DNAH14: variants seen among roughly 807,000 people sequenced by gnomAD.
The protein encoded by DNAH14 is dynein axonemal heavy chain 14.
In DNAH14, 478 loss-of-function variants were observed where a neutral mutation model predicts 520.9. The observed-to-expected ratio is 0.92, with a 90% confidence interval of 0.85 to 0.99. The LOEUF (loss-of-function observed/expected upper bound fraction) is 0.99, where lower values mean the gene tolerates loss of function less well. DNAH14 is among the 50% of genes least tolerant of loss of function. The probability of loss-of-function intolerance (pLI) is 0.00; values close to 1 mark genes in which losing one functional copy is unlikely to be tolerated. For synonymous variants in DNAH14, 1,581 were observed against 1,757.2 expected (o/e 0.90, Z 2.51); for missense variants, 4,831 against 5,234.5 (o/e 0.92, Z 2.38).
intron 10 of DNAH14, among the ~76,000 whole-genome samples, chr1:225,017,944 G>C (rs2065347075): frequency 6.6e-6 from 1 of 152,158 alleles, no homozygotes; most frequent in Admixed American, 6.5e-5. Context: ...AAAGGATAAA[G>C]GAACATCAGC....
intron 28 of DNAH14, among the ~76,000 whole-genome samples, chr1:225,142,709 C>T (rs1341688039): frequency 1.3e-5 from 2 of 152,110 alleles, no homozygotes; most frequent in Non-Finnish European, 2.9e-5. Context: ...GGGTGGATCA[C>T]TTGAGGTCCA....
intron 8 of DNAH14, among the ~76,000 whole-genome samples, chr1:224,985,552 A>G (rs1488198986): frequency 6.6e-6 from 1 of 152,156 alleles, no homozygotes; most frequent in East Asian, 1.9e-4. Context: ...AGGTTCTCAC[A>G]GATCTCCACT....
intron 34 of DNAH14, among the ~76,000 whole-genome samples, chr1:225,156,784 G>T (rs1408816201): frequency 7.8e-6 from 1 of 128,934 alleles, no homozygotes; most frequent in Non-Finnish European, 1.6e-5. Context: ...GCGGGATCTC[G>T]GCTCACTGCA....
chr1:225,287,120 G>C (rs894443567), intron 54 of DNAH14, among the ~76,000 whole-genome samples: 1 of 152,084 alleles, frequency 6.6e-6, no homozygotes, highest in Non-Finnish European at 1.5e-5. Flanking sequence ...TAAAAATTCT[G>C]TATACTATAA....
chr1:225,166,413 C>A (rs1289024736), intron 35 of DNAH14, among the ~76,000 whole-genome samples: 1 of 152,130 alleles, frequency 6.6e-6, no homozygotes, highest in African/African-American at 2.4e-5. Context: ...TAAATTGTTA[C>A]TCACCAAATT....
intron 17 of DNAH14, among the ~76,000 whole-genome samples, chr1:225,063,863 A>T (rs1246571915): frequency 3.3e-5 from 5 of 151,330 alleles, no homozygotes; most frequent in African/African-American, 1.2e-4. Flanking sequence ...AAAACAAGTG[A>T]AAAGGAGAAA....
intron 43 of DNAH14, chr1:225,250,623 A>G: frequency 2.0e-6 from 1 of 497,270 alleles, no homozygotes; most frequent in Non-Finnish European, 3.7e-6. Flanking sequence ...CAGGTTCCTG[A>G]AGAGAAAGAA....
At position 225,117,753 on chromosome 1, in the gene DNAH14, A is replaced by G; in HGVS notation, c.3937A>G (p.Ile1313Val). 3.2e-6 allele frequency: 5 copies of G among 1,550,992 alleles called. No homozygotes were observed. The highest frequency in any genetic ancestry group is 3.5e-6 in the Non-Finnish European group (4 of 1,146,812). The change falls in exon 24 of 86, where the codon ATT becomes GTT. Residue 1313 changes from isoleucine (I) to valine (V), a missense_variant. Coordinates refer to ENST00000682510, the MANE Select transcript of DNAH14 (RefSeq NM_001367479.1). Reference protein sequence around the residue: ...YFLSNAELLDILADSRNPESV... With the variant: ...YFLSNAELLDVLADSRNPESV... ...TCTTAGCAATGCCGAGCTTCTTGAT[A>G]TTCTAGCTGATAGCAGAAATCCTGA...
chr1:225,206,491 C>G (rs2087577128), intron 40 of DNAH14, among the ~76,000 whole-genome samples: 1 of 152,106 alleles, frequency 6.6e-6, no homozygotes, highest in Non-Finnish European at 1.5e-5. Flanking sequence ...GGTCCTGAGG[C>G]CTTTTCATAC....
At chr1:225,247,883 G>C (rs2092375136) in intron 43 of DNAH14, among the ~76,000 whole-genome samples, 1 of 152,144 alleles carries the variant, frequency 6.6e-6, no homozygotes, top group Non-Finnish European at 1.5e-5. Context: ...GCCAGGCACG[G>C]TGGCGGGCGC....
chr1:225,341,984 A>C (rs367725648), intron 69 of DNAH14, among the ~76,000 whole-genome samples: 4 of 152,178 alleles, frequency 2.6e-5, no homozygotes, highest in African/African-American at 9.7e-5. Flanking sequence ...ACAAATGCCC[A>C]GTGGGTACCG....
Position 225,172,077 on chromosome 1 carries a change from TA to T in DNAH14, c.5535+4054del, listed in dbSNP as rs369783689. Among the ~76,000 whole-genome samples the T allele has an allele frequency of 5.0e-3, 761 of 152,272 alleles. 6 individuals carry two copies. The highest frequency in any genetic ancestry group is 0.017 in the African/African-American group (719 of 41,560). On this transcript the variant is annotated intron_variant, in intron 36 of 85. Coordinates refer to ENST00000682510, the MANE Select transcript of DNAH14 (RefSeq NM_001367479.1). ...GACAAAATTCAACACCACTTCATGC[TA>T]AAAACTCTCAATAAGGTATTGATGG...
At chr1:225,319,580 C>T (rs931109762) in intron 61 of DNAH14, among the ~76,000 whole-genome samples, 6 of 151,952 alleles carry the variant, frequency 3.9e-5, no homozygotes, top group African/African-American at 1.5e-4. Flanking sequence ...AGTTAATGCC[C>T]GTGAAACTGA....
At position 225,305,088 on chromosome 1, in the gene DNAH14, A is replaced by G. The variant is rs2094213223; in HGVS notation, c.9004A>G (p.Arg3002Gly). The change falls in exon 58 of 86, where the codon AGG becomes GGG. Residue 3002 changes from arginine to glycine, a missense_variant and splice_region_variant. Arg to Gly is a moderately radical substitution (Grantham distance 125). Transcript: ENST00000682510. The part of the protein sequence containing the change: ...RAREEEMQTK[R>G]DRFHMGLSTI... ...ACGAGAGGAAGAGATGCAAACAAAG[A>G]GGTAAGACTTTGAGAACAAATCATA... 2.0e-6 allele frequency: 3 copies of G among 1,523,192 alleles called. No individual in the cohort carries two copies. The highest frequency in any genetic ancestry group is 2.5e-5 in the Admixed American group (1 of 40,572). The allele number at this position is 1,523,192 out of a possible 1,614,324, so 94.4% of individuals were successfully genotyped here.
At chr1:225,070,434 T>A (rs1572855703) in intron 17 of DNAH14, among the ~76,000 whole-genome samples, 1 of 152,190 alleles carries the variant, frequency 6.6e-6, no homozygotes, top group East Asian at 1.9e-4. Flanking sequence ...TCAAAAAACT[T>A]CTTGATTTCT....
chr1:225,381,762 G>A (rs1192525388), intron 81 of DNAH14, among the ~76,000 whole-genome samples, 183 bp downstream of exon 81: 2 of 152,172 alleles, frequency 1.3e-5, no homozygotes, highest in African/African-American at 4.8e-5. Flanking sequence ...GTCACTGTTA[G>A]CCAGGCAGCA....
chr1:225,257,660 C>T (rs569008349), intron 44 of DNAH14, among the ~76,000 whole-genome samples: 6 of 151,836 alleles, frequency 4.0e-5, no homozygotes, highest in South Asian at 2.1e-4. Context: ...CTCAGCCTCC[C>T]GAGTAGCTGG....
intron 80 of DNAH14, among the ~76,000 whole-genome samples, chr1:225,381,146 A>T (rs963903198): frequency 2.0e-5 from 3 of 152,212 alleles, no homozygotes; most frequent in African/African-American, 7.2e-5. Flanking sequence ...ATGCATCCAC[A>T]CATAGTAGAT....
At chr1:225,186,029 A>G (rs2084683117) in intron 37 of DNAH14, among the ~76,000 whole-genome samples, 1 of 144,288 alleles carries the variant, frequency 6.9e-6, no homozygotes. Flanking sequence ...GATTAATGTA[A>G]TAAACTATGT....
Sources: gnomAD v4.1 joint callset for allele counts (sites outside exome capture counted in the v4.1 genomes callset) on GRCh38, gnomAD v4.1.1 for gene constraint, MANE v1.5 for transcripts, NCBI Gene and HGNC (gene_info 2026-07-23, HGNC 2026-07-21) for gene names.